The following PSAT1 variants were observed in gnomAD, a reference collection of about 807,000 sequenced individuals.
PSAT1 encodes phosphoserine aminotransferase.
In PSAT1, 41 loss-of-function variants were observed where a neutral mutation model predicts 40.3. The ratio of observed to expected loss-of-function variants is 1.02; its 90% confidence interval spans 0.79 to 1.32. The LOEUF (loss-of-function observed/expected upper bound fraction) is 1.32. Among genes scored for constraint, PSAT1 ranks in the 40% most tolerant of loss-of-function variants. The pLI is 0.00. For synonymous variants in PSAT1, 147 were observed against 170.5 expected, an observed-to-expected ratio of 0.86 and a Z score of 1.07; for missense variants, 406 against 455.8, an observed-to-expected ratio of 0.89 and a Z score of 0.99.
intron 7 of PSAT1, among the ~76,000 whole-genome samples, chr9:78,323,166 G>A (rs1190536069): frequency 6.6e-6 from 1 of 152,204 alleles, no homozygotes; most frequent in African/African-American, 2.4e-5. Flanking sequence ...TGACTGCATT[G>A]AGAAGGATGA....
rs543844967 is a variant in PSAT1, at chr9:78,301,994, C to T, written c.162C>T (p.Asn54=). The T allele has an allele frequency of 4.1e-5, 66 of 1,611,612 alleles. No individual in the cohort carries two copies. The South Asian group carries it at 6.5e-4, about 16-fold the overall frequency. The change falls in exon 3 of 9, where the codon AAC becomes AAT. Residue 54 remains asparagine, a synonymous_variant. Coordinates refer to ENST00000376588, the MANE Select transcript of PSAT1 (RefSeq NM_058179.4). Reference sequence around the variant, plus strand: ...CATCAGATTTTGCCAAGATTATTAACAATACAGAGAATCTTGTGCGGGAAT... The same window carrying T: ...CATCAGATTTTGCCAAGATTATTAATAATACAGAGAATCTTGTGCGGGAAT... The part of the protein sequence containing the change: ...HRSSDFAKII[N]NTENLVRELL...
At chr9:78,321,258 G>A (rs1828425651) in intron 7 of PSAT1, among the ~76,000 whole-genome samples, 1 of 152,134 alleles carries the variant, frequency 6.6e-6, no homozygotes, top group Admixed American at 6.5e-5. Flanking sequence ...TGCCTGCCTG[G>A]AAAGCGTCAT....
At chr9:78,304,296 C>T (rs887142605) in intron 3 of PSAT1, among the ~76,000 whole-genome samples, 2 of 152,148 alleles carry the variant, frequency 1.3e-5, no homozygotes, top group Non-Finnish European at 2.9e-5. Context: ...TTAGCTCCTA[C>T]AAGTTTCTTC....
chr9:78,306,505 G>A lies in PSAT1; in HGVS notation c.570+19G>A. On this transcript the variant is annotated intron_variant, in intron 5 of 8. Transcript: ENST00000376588. Reference sequence around the variant, plus strand: ...TTCCAAGGTAGAGTATAAAAGGCAGGGTGAGGGGAACCCACTGACTCGGTG... The same window carrying A: ...TTCCAAGGTAGAGTATAAAAGGCAGAGTGAGGGGAACCCACTGACTCGGTG... 1 of 1,614,144 alleles carries A rather than the reference G, an allele frequency of 6.2e-7. No homozygotes were observed. Among genetic ancestry groups the A allele is most frequent in the African/African-American group, 1.3e-5 (1 of 75,046 alleles).
chr9:78,300,552 G>A, intron 1 of PSAT1, 50 bp from the exon 2 acceptor site: 12 of 1,574,138 alleles, frequency 7.6e-6, no homozygotes, highest in African/African-American at 1.4e-5. Context: ...CAGAGGGAAA[G>A]CAGTGCAGAA....
In PSAT1 at chr9:78,329,393, TTAA is replaced by T. The variant is rs1273873087; in HGVS notation, c.*312_*314del. ...TTAGATTTCAAACTTGCCTGTGGAC[TTAA>T]TAATGCAAGTTGCGATTAATTATTT... On this transcript the variant is annotated 3_prime_UTR_variant, in exon 9 of 9. Transcript: ENST00000376588. 3 of 385,508 alleles carry T rather than the reference TTAA, an allele frequency of 7.8e-6. No individual in the cohort carries two copies. Among genetic ancestry groups the T allele is most frequent in the South Asian group, 4.4e-5 (2 of 45,102 alleles). 23.9% of individuals were successfully genotyped at this position (385,508 alleles called of 1,614,324 possible).
intron 7 of PSAT1, 133 bp downstream of exon 7, chr9:78,317,937 T>TG: frequency 8.8e-7 from 1 of 1,139,984 alleles, no homozygotes; most frequent in South Asian, 1.3e-5. Flanking sequence ...TGTGTGGTCC[T>TG]GGGCCCCATG....
chr9:78,325,007 C>T (rs1386963188), intron 7 of PSAT1, among the ~76,000 whole-genome samples: 1 of 151,924 alleles, frequency 6.6e-6, no homozygotes, highest in East Asian at 1.9e-4. Flanking sequence ...TTACAGTTTG[C>T]GTTCAGTGCA....
At chr9:78,323,864 G>A (rs1019316926) in intron 7 of PSAT1, among the ~76,000 whole-genome samples, 2 of 152,232 alleles carry the variant, frequency 1.3e-5, no homozygotes, top group African/African-American at 4.8e-5. Flanking sequence ...GTTGCATTTG[G>A]TAGGCTTCTC....
chr9:78,328,007 A>G (rs371397807), intron 7 of PSAT1, 44 bp from the exon 8 acceptor site: 49 of 1,593,348 alleles, frequency 3.1e-5, no homozygotes, highest in Non-Finnish European at 4.0e-5. Context: ...ATGACAACCC[A>G]TACATTTCAG....
At chr9:78,315,069 G>A (rs559240255) in intron 6 of PSAT1, among the ~76,000 whole-genome samples, 2 of 152,262 alleles carry the variant, frequency 1.3e-5, no homozygotes, top group African/African-American at 4.8e-5. Flanking sequence ...CTGATGAACA[G>A]AGGGCTGGGC....
At chr9:78,314,013 A>C (rs754793504) in intron 6 of PSAT1, among the ~76,000 whole-genome samples, 9 of 152,214 alleles carry the variant, frequency 5.9e-5, no homozygotes, top group Non-Finnish European at 1.2e-4. Flanking sequence ...TTAATCATTT[A>C]ATAGGCAGAG....
intron 6 of PSAT1, among the ~76,000 whole-genome samples, chr9:78,309,444 C>T (rs1828234683): frequency 6.6e-6 from 1 of 152,194 alleles, no homozygotes; most frequent in Admixed American, 6.5e-5. Context: ...CTCACTGCAA[C>T]CTCCACCTCC....
intron 4 of PSAT1, 136 bp downstream of exon 4, chr9:78,305,076 T>A: frequency 2.6e-6 from 2 of 776,436 alleles, no homozygotes; most frequent in Non-Finnish European, 4.4e-6. Context: ...GTGGCTGTAC[T>A]AGCTAAGACT....
chr9:78,303,877 G>T (rs1233593209), intron 3 of PSAT1, among the ~76,000 whole-genome samples: 1 of 152,060 alleles, frequency 6.6e-6, no homozygotes, highest in Non-Finnish European at 1.5e-5. Context: ...CAGTGGCTTG[G>T]GTCCAGTTTC....
chr9:78,323,462 G>A (rs768697425), intron 7 of PSAT1, among the ~76,000 whole-genome samples: 3 of 151,946 alleles, frequency 2.0e-5, no homozygotes, highest in Non-Finnish European at 4.4e-5. Flanking sequence ...TGCCTGTAGT[G>A]CCAGCTGCTT....
intron 1 of PSAT1, 118 bp downstream of exon 1, chr9:78,297,388 C>A: frequency 1.7e-6 from 2 of 1,206,016 alleles, no homozygotes; most frequent in Non-Finnish European, 2.4e-6. Flanking sequence ...GTCCCCTAGG[C>A]GCTTTGCATC....
rs71360679 is a variant in PSAT1, at chr9:78,299,144, C to CAAA, written c.61-1432_61-1430dup. 3.2e-4 allele frequency among the ~76,000 whole-genome samples: 28 copies of CAAA among 87,308 alleles called. 1 individual carries two copies. The highest frequency in any genetic ancestry group is 1.4e-3 in the East Asian group (4 of 2,962). 57.3% of individuals were successfully genotyped at this position (87,308 alleles called of 152,430 possible). On this transcript the variant is annotated intron_variant, in intron 1 of 8. Coordinates refer to ENST00000376588, the MANE Select transcript of PSAT1 (RefSeq NM_058179.4). Reference sequence around the variant, plus strand: ...GATAGAGCAAGACCCTGTCTCTTAACAAAAAAAAAAAAAAAAAAAAAAAAA... The same window carrying CAAA: ...GATAGAGCAAGACCCTGTCTCTTAACAAAAAAAAAAAAAAAAAAAAAAAAAAAA...
At chr9:78,312,659 G>A (rs1329587891) in intron 6 of PSAT1, among the ~76,000 whole-genome samples, 1 of 152,126 alleles carries the variant, frequency 6.6e-6, no homozygotes, top group Non-Finnish European at 1.5e-5. Flanking sequence ...TTGTGCCATT[G>A]CACTCCAGCC....
Sources: gnomAD v4.1 joint callset for allele counts (sites outside exome capture counted in the v4.1 genomes callset) on GRCh38, gnomAD v4.1.1 for gene constraint, MANE v1.5 for transcripts, NCBI Gene and HGNC (gene_info 2026-07-23, HGNC 2026-07-21) for gene names.